TAMM41: variants seen among roughly 807,000 people sequenced by gnomAD.
TAMM41 encodes the protein TAM41 mitochondrial translocator assembly and maintenance homolog, also known as phosphatidate cytidylyltransferase, mitochondrial.
A neutral mutation model predicts 44.1 loss-of-function variants in TAMM41; 36 were observed. The observed-to-expected ratio is 0.82, with a 90% CI of 0.63 to 1.08. The LOEUF (loss-of-function observed/expected upper bound fraction) is 1.08. Among genes scored for constraint, TAMM41 ranks in the 50% least tolerant of loss-of-function variants. The pLI, the probability that TAMM41 is intolerant of heterozygous loss-of-function variation, is 0.00. For missense variants in TAMM41, 417 were observed against 404.3 expected, an observed-to-expected ratio of 1.03 and a Z score of -0.27; for synonymous variants, 164 against 153.1, an observed-to-expected ratio of 1.07 and a Z score of -0.53.
chr3:11,738,284 C>T, the TAMM41 span, among the ~76,000 whole-genome samples: 1 of 152,168 alleles, frequency 6.6e-6, no homozygotes, highest in Non-Finnish European at 1.5e-5. Context: ...GGTTTTGAAT[C>T]CCAACTCAAC....
At chr3:11,725,403 CTCTTCT>C in the TAMM41 span, among the ~76,000 whole-genome samples, 12 of 129,550 alleles carry the variant, frequency 9.3e-5, no homozygotes, top group East Asian at 6.8e-4. Context: ...TTTCTTCTTC[CTCTTCT>C]TCTTCTTCTT....
chr3:11,825,788 ATT>A (rs879841441), intron 4 of TAMM41, among the ~76,000 whole-genome samples: 1 of 146,210 alleles, frequency 6.8e-6, no homozygotes, highest in Non-Finnish European at 1.5e-5. Flanking sequence ...TACTCAGCTA[ATT>A]TTTTTTTTTT....
downstream of TAMM41, among the ~76,000 whole-genome samples, chr3:11,785,666 G>A (rs796863547): frequency 1.8e-4 from 27 of 151,812 alleles, no homozygotes; most frequent in African/African-American, 6.5e-4. Flanking sequence ...CCAGGCTGGC[G>A]TGCAGTGCCA....
chr3:11,727,703 T>G, the TAMM41 span, among the ~76,000 whole-genome samples: 2 of 152,060 alleles, frequency 1.3e-5, no homozygotes, highest in Admixed American at 1.3e-4. Context: ...TGGACTCAAG[T>G]GATCCTCCCG....
the TAMM41 span, among the ~76,000 whole-genome samples, chr3:11,765,715 T>C: frequency 6.6e-6 from 1 of 151,906 alleles, no homozygotes; most frequent in African/African-American, 2.4e-5. Flanking sequence ...TTTTTTTTTT[T>C]TTTTGAGATG....
intron 5 of TAMM41, 29 bp from the exon 6 acceptor site, chr3:11,809,711 T>G: frequency 6.3e-7 from 1 of 1,585,696 alleles, no homozygotes; most frequent in South Asian, 1.2e-5. Context: ...AGACGACGTC[T>G]ATGGAAGTGC....
rs912474444 is a variant in TAMM41, at chr3:11,811,609, T to C, written c.709-1927A>G. 4 of 152,332 alleles carry C rather than the reference T, an allele frequency of 2.6e-5. No individual in the cohort carries two copies. The South Asian group carries it at 8.3e-4, about 32-fold the overall frequency. 9.4% of individuals were successfully genotyped at this position (152,332 alleles called of 1,614,324 possible). ...CATTAAAATAACGAAAGTGAAAGCATTCAGCTAAACTGTGAAAGTCAAATT... is the reference window on the plus strand; with the variant it reads ...CATTAAAATAACGAAAGTGAAAGCACTCAGCTAAACTGTGAAAGTCAAATT... On this transcript the variant is annotated intron_variant, in intron 5 of 7. Transcript: ENST00000455809.
chr3:11,769,857 G>A, the TAMM41 span, among the ~76,000 whole-genome samples: 6 of 152,196 alleles, frequency 3.9e-5, no homozygotes, highest in Non-Finnish European at 1.5e-5. Context: ...GGCCCAGCTC[G>A]CATTTCCTAC....
chr3:11,731,310 C>A, the TAMM41 span, among the ~76,000 whole-genome samples: 67,398 of 151,850 alleles, frequency 0.44, 15,244 homozygotes, highest in East Asian at 0.66. Flanking sequence ...AGACATCATC[C>A]TCTTTCCAGG....
At chr3:11,790,276 C>A (rs1395997447), downstream of TAMM41, among the ~76,000 whole-genome samples, 1 of 152,200 alleles carries the variant, frequency 6.6e-6, no homozygotes, top group African/African-American at 2.4e-5. Context: ...CTGCAGGACC[C>A]ACATGACTTT....
At chr3:11,781,462 C>T in the TAMM41 span, among the ~76,000 whole-genome samples, 15 of 152,192 alleles carry the variant, frequency 9.9e-5, no homozygotes, top group East Asian at 2.1e-3. Flanking sequence ...CGGTCAGGTG[C>T]GGTGGCTCAC....
At chr3:11,806,778 A>C (rs982385356) in intron 7 of TAMM41, among the ~76,000 whole-genome samples, 2 of 152,222 alleles carry the variant, frequency 1.3e-5, no homozygotes, top group Non-Finnish European at 2.9e-5. Flanking sequence ...AGATAAAAAC[A>C]GACTCACATC....
At chr3:11,771,018 C>T in the TAMM41 span, among the ~76,000 whole-genome samples, 2 of 152,074 alleles carry the variant, frequency 1.3e-5, no homozygotes, top group African/African-American at 2.4e-5. Context: ...AGCTGGTCCA[C>T]CCTTCTCCCC....
chr3:11,782,786 AT>A, the TAMM41 span, among the ~76,000 whole-genome samples: 2 of 152,160 alleles, frequency 1.3e-5, no homozygotes, highest in Non-Finnish European at 2.9e-5. Flanking sequence ...AGTTTGGGGC[AT>A]GGACTTTTCT....
At chr3:11,783,938 T>G in the TAMM41 span, among the ~76,000 whole-genome samples, 1 of 152,244 alleles carries the variant, frequency 6.6e-6, no homozygotes, top group East Asian at 1.9e-4. Context: ...TAAGGATGAA[T>G]GAGTTAATAC....
the TAMM41 span, among the ~76,000 whole-genome samples, chr3:11,741,195 G>A: frequency 1.9e-5 from 2 of 107,508 alleles, no homozygotes; most frequent in Admixed American, 2.5e-4. Flanking sequence ...CTCCAGCCAG[G>A]TACAGAACAA....
At chr3:11,779,366 G>A in the TAMM41 span, among the ~76,000 whole-genome samples, 94 of 152,246 alleles carry the variant, frequency 6.2e-4, no homozygotes, top group East Asian at 0.018. Context: ...TTGCCAGGTC[G>A]TGCAGGAACT....
At chr3:11,748,317 C>G in the TAMM41 span, among the ~76,000 whole-genome samples, 1 of 152,012 alleles carries the variant, frequency 6.6e-6, no homozygotes, top group Non-Finnish European at 1.5e-5. Flanking sequence ...GAGTCTCGCT[C>G]TATCACCCAG....
chr3:11,785,438 G>A, the TAMM41 span, among the ~76,000 whole-genome samples: 1 of 152,080 alleles, frequency 6.6e-6, no homozygotes, highest in Non-Finnish European at 1.5e-5. Flanking sequence ...TGATTCTCCT[G>A]CCTCAGCCTC....
Sources: gnomAD v4.1 joint callset for allele counts (sites outside exome capture counted in the v4.1 genomes callset) on GRCh38, gnomAD v4.1.1 for gene constraint, MANE v1.5 for transcripts, NCBI Gene and HGNC (gene_info 2026-07-23, HGNC 2026-07-21) for gene names.